GORASP2: variants seen among roughly 807,000 people sequenced by gnomAD.
The protein encoded by GORASP2 is Golgi reassembly-stacking protein 2.
In GORASP2, 22 loss-of-function variants were observed where a neutral mutation model predicts 45.7. The ratio of observed to expected loss-of-function variants is 0.48; its 90% CI spans 0.34 to 0.69. GORASP2 has a LOEUF of 0.69. Among genes scored for constraint, GORASP2 ranks in the 30% least tolerant of loss-of-function variants. The probability of loss-of-function intolerance (pLI) is 0.01; values close to 1 mark genes in which losing one functional copy is unlikely to be tolerated. For missense variants in GORASP2, 491 were observed against 562.7 expected (o/e 0.87, Z 1.29); for synonymous variants, 221 against 215.6 (o/e 1.02, Z -0.22).
chr2:170,961,296 G>A (rs1205613833), intron 7 of GORASP2, among the ~76,000 whole-genome samples: 4 of 152,204 alleles, frequency 2.6e-5, no homozygotes, highest in African/African-American at 9.7e-5. Context: ...TGGCATCTTA[G>A]TTTAGGAGCC....
In GORASP2 at chr2:170,966,028, C is replaced by G. The variant is rs779430139; in HGVS notation, c.1257C>G (p.Ala419=). 6.2e-7 allele frequency: 1 copy of G among 1,613,930 alleles called. No individual in the cohort carries two copies. The highest frequency in any genetic ancestry group is 1.1e-5 in the South Asian group (1 of 91,082). The change falls in exon 10 of 10, where the codon GCC becomes GCG. Residue 419 remains alanine, a synonymous_variant. Coordinates refer to ENST00000234160, the MANE Select transcript of GORASP2 (RefSeq NM_015530.5). ...SLTVDVTPPT[A]KAPTTVEDRV... ...CTGTGGATGTGACGCCCCCCACTGC[C>G]AAGGCCCCCACCACCGTTGAGGACA... is the stretch of plus-strand genomic sequence containing the variant.
At chr2:170,950,107 A>G (rs947228662) in intron 3 of GORASP2, 97 bp from the exon 4 acceptor site, 1 of 648,888 alleles carries the variant, frequency 1.5e-6, no homozygotes, top group South Asian at 2.0e-5. Context: ...AGAAGTATAC[A>G]GATTTAAAAA....
chr2:170,940,124 T>G (rs570618163), intron 1 of GORASP2, among the ~76,000 whole-genome samples: 2 of 152,184 alleles, frequency 1.3e-5, no homozygotes, highest in Non-Finnish European at 2.9e-5. Flanking sequence ...GTAAGCCAAT[T>G]TTATGGTATA....
At chr2:170,928,805 G>A (rs1250867807), upstream of GORASP2, 3 of 152,434 alleles carry the variant, frequency 2.0e-5, no homozygotes, top group East Asian at 5.8e-4. Flanking sequence ...GCAGCCCACA[G>A]GAGGCCACTA....
At chr2:170,941,854 C>G (rs759070826) in intron 1 of GORASP2, among the ~76,000 whole-genome samples, 5 of 151,818 alleles carry the variant, frequency 3.3e-5, no homozygotes, top group Non-Finnish European at 5.9e-5. Context: ...ATGTGTATAC[C>G]CATTTCTGTT....
chr2:170,949,881 C>A, intron 3 of GORASP2, 139 bp downstream of exon 3: 1 of 695,010 alleles, frequency 1.4e-6, no homozygotes, highest in South Asian at 1.9e-5. Context: ...GCGTTCATTG[C>A]TTTTTAAGTA....
intron 3 of GORASP2, 192 bp from the exon 4 acceptor site, chr2:170,950,011 AT>A: frequency 1.9e-6 from 1 of 524,558 alleles, no homozygotes; most frequent in East Asian, 3.1e-5. Flanking sequence ...TATTTTAAAT[AT>A]TTGTTAAATA....
At chr2:170,963,374 C>CAA (rs766498214) in intron 9 of GORASP2, among the ~76,000 whole-genome samples, 23 of 76,546 alleles carry the variant, frequency 3.0e-4, no homozygotes, top group African/African-American at 9.8e-4. Context: ...GACTTCATCT[C>CAA]AAAAAAAAAA....
rs1219031319 is a variant in GORASP2, at chr2:170,966,862, GTAT to G, written c.*736_*738del. ...AGGTGGCACTCTGTGGCTCCTTGTA[GTAT>G]TATAGCTATACTGGGAAAGCATAGA... On this transcript the variant is annotated 3_prime_UTR_variant, in exon 10 of 10. Coordinates refer to ENST00000234160, the MANE Select transcript of GORASP2 (RefSeq NM_015530.5). 2 of 152,568 alleles carry G rather than the reference GTAT, an allele frequency of 1.3e-5. No individual in the cohort carries two copies. The highest frequency in any genetic ancestry group is 6.5e-5 in the Admixed American group (1 of 15,296). The allele number at this position is 152,568 out of a possible 1,614,324, so 9.5% of individuals were successfully genotyped here.
At chr2:170,953,901 A>G (rs4668351) in intron 5 of GORASP2, 22,050 of 152,270 alleles carry the variant, frequency 0.14, 1,922 homozygotes, top group East Asian at 0.23. Context: ...CCTGGCTTTG[A>G]CCATGAGCCA....
intron 8 of GORASP2, 76 bp from the exon 9 acceptor site, chr2:170,962,763 G>GT: frequency 1.0e-6 from 1 of 964,584 alleles, no homozygotes; most frequent in Non-Finnish European, 1.7e-6. Context: ...GGCTGGGATT[G>GT]TTTTTAATAC....
intron 7 of GORASP2, among the ~76,000 whole-genome samples, chr2:170,960,872 C>T (rs1460474218): frequency 6.6e-6 from 1 of 152,160 alleles, no homozygotes; most frequent in Non-Finnish European, 1.5e-5. Context: ...TTTATTCCCG[C>T]TACCATATGT....
At position 170,949,873 on chromosome 2, in the gene GORASP2, G is replaced by A. The variant is rs529937302; in HGVS notation, c.348+131G>A. 35 of 747,176 alleles carry A rather than the reference G, an allele frequency of 4.7e-5. 2 individuals are homozygous for A. Among genetic ancestry groups the A allele is most frequent in the East Asian group, 2.3e-4 (9 of 39,248 alleles). 46.3% of individuals were successfully genotyped at this position (747,176 alleles called of 1,614,324 possible). A position where few individuals can be genotyped will look rare whatever the true frequency, so the allele number is the denominator to read the frequency against. On this transcript the variant is annotated intron_variant, in intron 3 of 9. Coordinates refer to ENST00000234160, the MANE Select transcript of GORASP2 (RefSeq NM_015530.5). ...TAGGCAATTTTTGCCAAAAATCAGC[G>A]TTCATTGCTTTTTAAGTATGGATCA...
intron 1 of GORASP2, among the ~76,000 whole-genome samples, chr2:170,933,030 T>C (rs922028817): frequency 1.3e-5 from 2 of 152,058 alleles, no homozygotes; most frequent in African/African-American, 4.8e-5. Context: ...AAATTATTAG[T>C]GGATGGTGAC....
intron 7 of GORASP2, among the ~76,000 whole-genome samples, chr2:170,957,306 C>G (rs979922919): frequency 6.6e-6 from 1 of 151,448 alleles, no homozygotes. Flanking sequence ...AACAGAGTTT[C>G]ACTCTTTTTG....
chr2:170,965,757 G>A (rs372212515), intron 9 of GORASP2, 33 bp from the exon 10 acceptor site: 6 of 1,405,676 alleles, frequency 4.3e-6, no homozygotes, highest in African/African-American at 4.2e-5. Context: ...TCAGTGCTGG[G>A]AGGATGTATG....
intron 1 of GORASP2, among the ~76,000 whole-genome samples, chr2:170,946,325 T>G (rs1226166138): frequency 6.6e-6 from 1 of 152,128 alleles, no homozygotes; most frequent in Non-Finnish European, 1.5e-5. Flanking sequence ...TGACAGCACT[T>G]AATAATATCA....
chr2:170,953,955 A>G, intron 5 of GORASP2: 1 of 152,246 alleles, frequency 6.6e-6, no homozygotes. Context: ...TGACAATCCT[A>G]CCAGCACTGC....
intron 7 of GORASP2, among the ~76,000 whole-genome samples, chr2:170,958,816 C>T (rs1465486083): frequency 2.0e-5 from 3 of 152,116 alleles, no homozygotes; most frequent in Non-Finnish European, 4.4e-5. Context: ...ATTACAGGCA[C>T]GTGCCACCAC....
Sources: allele counts gnomAD v4.1 joint callset (sites outside exome capture counted in the v4.1 genomes callset), GRCh38; gene constraint gnomAD v4.1.1; transcripts MANE v1.5; gene names NCBI Gene and HGNC (gene_info 2026-07-23, HGNC 2026-07-21).